Variants in KDM5D observed in about 807,000 individuals in gnomAD.
The protein encoded by KDM5D is lysine-specific demethylase 5D.
KDM5D carries 25 observed loss-of-function variants against 31.9 expected under a neutral mutation model. That is an observed-to-expected ratio of 0.78 (90% CI 0.57 to 1.09). KDM5D has a LOEUF of 1.09. Among genes scored for constraint, KDM5D ranks in the 50% least tolerant of loss-of-function variants. The pLI is 0.00. For missense variants in KDM5D, 366 were observed against 341.6 expected, an observed-to-expected ratio of 1.07 and a Z score of -0.56; for synonymous variants, 146 against 122.3, an observed-to-expected ratio of 1.19 and a Z score of -1.28.
intron 6 of KDM5D, among the ~76,000 whole-genome samples, chrY:19,736,722 C>G (rs2045514595): frequency 3.0e-5 from 1 of 32,864 alleles, no homozygotes; most frequent in Non-Finnish European, 7.5e-5. Context: ...GGGAGACCAG[C>G]TCTTTCAGAG....
chrY:19,724,389 T>C (rs2045414091), intron 11 of KDM5D, among the ~76,000 whole-genome samples: 1 of 33,424 alleles, frequency 3.0e-5, no homozygotes, highest in African/African-American at 1.2e-4. Context: ...GCTTCATCCC[T>C]GGGATACAAG....
At chrY:19,713,697 C>T (rs2045315098) in intron 18 of KDM5D, among the ~76,000 whole-genome samples, 1 of 32,991 alleles carries the variant, frequency 3.0e-5, no homozygotes, top group Non-Finnish European at 7.5e-5. Flanking sequence ...ACAGGGTTGG[C>T]GGGAGTGTAA....
In KDM5D at chrY:19,732,731, A is replaced by G; in HGVS notation, c.945T>C (p.Tyr315=). 5 of 376,333 alleles carry G rather than the reference A, an allele frequency of 1.3e-5. No individual in the cohort carries two copies. Among genetic ancestry groups the G allele is most frequent in the Non-Finnish European group, 1.8e-5 (5 of 270,657 alleles). The allele number at this position is 376,333 out of a possible 400,897, so 93.9% of individuals were successfully genotyped here. A position where few individuals can be genotyped will look rare whatever the true frequency, so the allele number is the denominator to read the frequency against. The change falls in exon 9 of 27, where the codon TAT becomes TAC. Residue 315 remains tyrosine (Y), a synonymous_variant. Coordinates refer to ENST00000317961, the MANE Select transcript of KDM5D (RefSeq NM_004653.5). ...NHSSAQFIDS[Y]ICQVCSRGDE... ...CCCCACGGGAGCATACTTGGCAAATATATGAGTCAATCTACCAAAAAAAAA... is the reference window on the plus strand; with the variant it reads ...CCCCACGGGAGCATACTTGGCAAATGTATGAGTCAATCTACCAAAAAAAAA...
chrY:19,707,757 C>T lies in KDM5D; in HGVS notation c.3400-11G>A, dbSNP rs2045257785. 2 of 393,984 alleles carry T rather than the reference C, an allele frequency of 5.1e-6. No individual in the cohort carries two copies. Among genetic ancestry groups the T allele is most frequent in the Non-Finnish European group, 7.1e-6 (2 of 281,850 alleles). On this transcript the variant is annotated splice_polypyrimidine_tract_variant and intron_variant, in intron 23 of 26. Coordinates refer to ENST00000317961, the MANE Select transcript of KDM5D (RefSeq NM_004653.5). ...CTTGAAGGCCACAATCTGCCATATC[C>T]AGAAGAGGGGGAAAGTAGGTCAGCA...
At position 19,732,711 on chromosome Y, in the gene KDM5D, C is replaced by T; in HGVS notation, c.965G>A (p.Arg322His). 3 of 385,760 alleles carry T rather than the reference C, an allele frequency of 7.8e-6. No individual in the cohort carries two copies. Among genetic ancestry groups the T allele is most frequent in the African/African-American group, 6.8e-5 (1 of 14,779 alleles). The part of the protein sequence containing the change: ...IDSYICQVCS[R>H]GDEDDKLLFC... Reference sequence around the variant, plus strand: ...AAGAAGCTTATCATCTTCATCCCCACGGGAGCATACTTGGCAAATATATGA... The same window carrying T: ...AAGAAGCTTATCATCTTCATCCCCATGGGAGCATACTTGGCAAATATATGA... The change falls in exon 9 of 27, where the codon CGT becomes CAT. Residue 322 changes from arginine (R) to histidine (H), a missense_variant. Coordinates refer to ENST00000317961, the MANE Select transcript of KDM5D (RefSeq NM_004653.5).
At chrY:19,736,458 A>G in intron 6 of KDM5D, among the ~76,000 whole-genome samples, 1 of 32,748 alleles carries the variant, frequency 3.1e-5, no homozygotes, top group Non-Finnish European at 7.5e-5. Context: ...ACACAGTAAC[A>G]TATTTTATGC....
At chrY:19,743,825 C>T in intron 2 of KDM5D, among the ~76,000 whole-genome samples, 1 of 34,067 alleles carries the variant, frequency 2.9e-5, no homozygotes. Context: ...AGGCTTATTT[C>T]AGTTTACATT....
At chrY:19,714,271 G>A (rs2045318799) in intron 18 of KDM5D, among the ~76,000 whole-genome samples, 1 of 32,931 alleles carries the variant, frequency 3.0e-5, no homozygotes, top group African/African-American at 1.2e-4. Flanking sequence ...TGACACAAAT[G>A]TACCTATATA....
Position 19,710,480 on chromosome Y carries a change from A to T in KDM5D, c.2487-8T>A. ...AGCTGTGGAGTGTCCATCCTATAGG[A>T]GCCAGAAGGAACACCTCGTAATGTC... On this transcript the variant is annotated splice_region_variant and splice_polypyrimidine_tract_variant and intron_variant, in intron 18 of 26. Coordinates refer to ENST00000317961, the MANE Select transcript of KDM5D (RefSeq NM_004653.5). 6.1e-6 allele frequency: 2 copies of T among 325,965 alleles called. No individual in the cohort carries two copies. Among genetic ancestry groups the T allele is most frequent in the African/African-American group, 1.4e-4 (2 of 14,348 alleles). The allele number at this position is 325,965 out of a possible 400,897, so 81.3% of individuals were successfully genotyped here.
chrY:19,713,207 C>A, intron 18 of KDM5D, among the ~76,000 whole-genome samples: 1 of 33,697 alleles, frequency 3.0e-5, no homozygotes, highest in Non-Finnish European at 7.3e-5. Context: ...AAACCTGAAA[C>A]CATAAATGCC....
Position 19,706,881 on chromosome Y carries a change from TG to T in KDM5D, c.4000-19del. The T allele has an allele frequency of 2.6e-6, 1 of 378,857 alleles. No homozygotes were observed. Among genetic ancestry groups the T allele is most frequent in the South Asian group, 3.0e-5 (1 of 33,179 alleles). The allele number at this position is 378,857 out of a possible 400,897, so 94.5% of individuals were successfully genotyped here. A position where few individuals can be genotyped will look rare whatever the true frequency, so the allele number is the denominator to read the frequency against. ...CCTTGGACCTATCGGAAAAAAAGAA[TG>T]GGTAACAATAATTGAGCTGATGAAC... On this transcript the variant is annotated intron_variant, in intron 24 of 26. Transcript: ENST00000317961.
intron 13 of KDM5D, among the ~76,000 whole-genome samples, chrY:19,720,072 T>TA (rs2032580): frequency 6.0e-4 from 19 of 31,844 alleles, no homozygotes; most frequent in Admixed American, 8.6e-4. Context: ...AAGGCAACTA[T>TA]AAAAAAAATA....
intron 18 of KDM5D, chrY:19,710,727 T>C: frequency 9.1e-6 from 1 of 110,014 alleles, no homozygotes. Flanking sequence ...CCACTATGGC[T>C]ACTAATACCA....
chrY:19,728,509 C>A, intron 11 of KDM5D, among the ~76,000 whole-genome samples: 1 of 32,264 alleles, frequency 3.1e-5, no homozygotes, highest in South Asian at 7.2e-4. Flanking sequence ...CAGGTGCCCG[C>A]CACCACGCCT....
Position 19,739,587 on chromosome Y carries a change from A to T in KDM5D, c.598T>A (p.Ser200Thr). 1 of 396,043 alleles carries T rather than the reference A, an allele frequency of 2.5e-6. No homozygotes were observed. Among genetic ancestry groups the T allele is most frequent in the East Asian group, 9.3e-5 (1 of 10,807 alleles). ...CTGCTGAACTTTGAAGGCTGCACAG[A>T]CTGTCTAAGGGGGATGCTGTGGGGC... is the stretch of plus-strand genomic sequence containing the variant. Reference protein sequence around the residue: ...YKPHSIPLRQSVQPSKFSSYS... With the variant: ...YKPHSIPLRQTVQPSKFSSYS... The change falls in exon 6 of 27, where the codon TCT becomes ACT. Residue 200 changes from serine (S) to threonine (T), a missense_variant. Transcript: ENST00000317961.
chrY:19,740,302 C>T (rs868257770), intron 5 of KDM5D, among the ~76,000 whole-genome samples: 7 of 33,605 alleles, frequency 2.1e-4, no homozygotes, highest in East Asian at 7.7e-4. Context: ...GTCGTGGTGG[C>T]TCATGCCTGT....
intron 24 of KDM5D, 113 bp from the exon 25 acceptor site, chrY:19,706,976 A>G: frequency 3.8e-6 from 1 of 260,310 alleles, no homozygotes; most frequent in Non-Finnish European, 6.0e-6. Flanking sequence ...GAGTAGACAC[A>G]GGCTTCCAAC....
At chrY:19,723,470 T>C (rs1282732903) in intron 11 of KDM5D, 1 of 91,936 alleles carries the variant, frequency 1.1e-5, no homozygotes, top group Non-Finnish European at 2.1e-5. Flanking sequence ...AAAAGTATAA[T>C]AGCTACTAAT....
rs1031595391 is a variant in KDM5D, at chrY:19,709,757, G to A, written c.2636C>T (p.Ala879Val). 5.0e-6 allele frequency: 2 copies of A among 397,610 alleles called. No homozygotes were observed. The highest frequency in any genetic ancestry group is 7.1e-6 in the Non-Finnish European group (2 of 282,758). The change falls in exon 20 of 27, where the codon GCC (alanine) becomes GTC (valine). Residue 879 changes from alanine (A) to valine (V), a missense_variant. Physicochemically the swap from Ala to Val is moderately conservative, Grantham distance 64 (BLOSUM62 0). Transcript: ENST00000317961. Reference protein sequence around the residue: ...AYQAEAREALATLPSSPGLLR... With the variant: ...AYQAEAREALVTLPSSPGLLR... ...TAGCCCTGGACTAGAGGGCAGTGTG[G>A]CCAGAGCCTCACGAGCCTCAGCTTG... is the stretch of plus-strand genomic sequence containing the variant.
Sources: gnomAD v4.1 joint callset for allele counts (sites outside exome capture counted in the v4.1 genomes callset) on GRCh38, gnomAD v4.1.1 for gene constraint, MANE v1.5 for transcripts, NCBI Gene and HGNC (gene_info 2026-07-23, HGNC 2026-07-21) for gene names.